The following PRDM16 variants were observed in gnomAD, a reference collection of about 807,000 sequenced individuals.
The protein encoded by PRDM16 is histone-lysine N-methyltransferase PRDM16.
Under a neutral mutation model 110.6 loss-of-function variants are expected in PRDM16, and 23 were observed. That is an observed-to-expected ratio of 0.21 (90% CI 0.15 to 0.29). The LOEUF (loss-of-function observed/expected upper bound fraction) is 0.29, where lower values mean the gene tolerates loss of function less well. PRDM16 is among the 10% of genes least tolerant of loss of function. PRDM16 has a pLI of 1.00. For missense variants in PRDM16, 1,615 were observed against 1,794.3 expected (o/e 0.90, Z 1.81); for synonymous variants, 799 against 781.8 (o/e 1.02, Z -0.37).
intron 6 of PRDM16, 115 bp from the exon 7 acceptor site, chr1:3,404,624 C>T (rs932700109): frequency 5.9e-5 from 76 of 1,297,592 alleles, no homozygotes; most frequent in Non-Finnish European, 8.0e-5. Flanking sequence ...TCTGATCCCT[C>T]GGCAGCGTGG....
At chr1:3,103,027 G>A (rs1642568371) in intron 1 of PRDM16, among the ~76,000 whole-genome samples, 2 of 152,164 alleles carry the variant, frequency 1.3e-5, no homozygotes, top group Non-Finnish European at 2.9e-5. Flanking sequence ...AGGAACTCAG[G>A]TTCCTCCCAG....
intron 1 of PRDM16, among the ~76,000 whole-genome samples, chr1:3,155,349 TG>T (rs1341856815): frequency 6.6e-6 from 1 of 152,220 alleles, no homozygotes; most frequent in African/African-American, 2.4e-5. Flanking sequence ...GGCTGCCGTG[TG>T]GCTTCGCCCG....
rs1428182999 is a variant in PRDM16, at chr1:3,353,947, T to C, written c.439-31205T>C. On this transcript the variant is annotated intron_variant, in intron 3 of 16. Transcript: ENST00000270722. The surrounding 1 kb of genome is among the most constrained non-coding windows in gnomAD (Gnocchi z 5.4). ...GGATGCAGGGCTGCCCACCCAACAC[T>C]GCTGAGCCCACACAGGCCCAAGAGA... 2.0e-5 allele frequency among the ~76,000 whole-genome samples: 3 copies of C among 152,018 alleles called. No individual in the cohort carries two copies. The highest frequency in any genetic ancestry group is 7.2e-5 in the African/African-American group (3 of 41,386).
At chr1:3,271,232 C>T (rs1197172714) in intron 3 of PRDM16, among the ~76,000 whole-genome samples, 1 of 152,176 alleles carries the variant, frequency 6.6e-6, no homozygotes, top group African/African-American at 2.4e-5. Context: ...GAGGAAGGAA[C>T]GAAGCATTTC....
At chr1:3,225,569 TGTGTGC>T (rs1465190949) in intron 2 of PRDM16, among the ~76,000 whole-genome samples, 3 of 121,740 alleles carry the variant, frequency 2.5e-5, no homozygotes, top group East Asian at 2.8e-4. Flanking sequence ...TGTGTGTGTG[TGTGTGC>T]GCGCGCGCAG....
intron 3 of PRDM16, among the ~76,000 whole-genome samples, chr1:3,362,739 G>T (rs567306069): frequency 6.6e-6 from 1 of 152,254 alleles, no homozygotes; most frequent in South Asian, 2.1e-4. Context: ...AAGCCGGCCG[G>T]GTCTCCTCAC....
intron 1 of PRDM16, among the ~76,000 whole-genome samples, chr1:3,139,240 TG>T: frequency 6.6e-6 from 1 of 152,174 alleles, no homozygotes; most frequent in Non-Finnish European, 1.5e-5. Flanking sequence ...TATGTGGAAC[TG>T]GGGGTGTTGG....
chr1:3,081,946 G>A lies in PRDM16; in HGVS notation c.37+12650G>A, dbSNP rs1376989584. 6.6e-6 allele frequency among the ~76,000 whole-genome samples: 1 copy of A among 152,238 alleles called. No homozygotes were observed. Among genetic ancestry groups the A allele is most frequent in the Non-Finnish European group, 1.5e-5 (1 of 68,050 alleles). ...CAGGATGGGCAGATGAAGCCACAGT[G>A]TGCCAAGGCAGCGGCAAAGCCCCCG... On this transcript the variant is annotated intron_variant, in intron 1 of 16. Transcript: ENST00000270722. The surrounding 1 kb of genome is among the most constrained non-coding windows in gnomAD (Gnocchi z 4.6).
At chr1:3,122,157 C>G (rs1643109841) in intron 1 of PRDM16, among the ~76,000 whole-genome samples, 1 of 152,204 alleles carries the variant, frequency 6.6e-6, no homozygotes, top group African/African-American at 2.4e-5. Context: ...CTGTGTGGCA[C>G]AGGACTGCCT....
chr1:3,374,443 G>A (rs776901269), intron 3 of PRDM16, among the ~76,000 whole-genome samples: 4 of 152,202 alleles, frequency 2.6e-5, no homozygotes, highest in Admixed American at 6.5e-5. Context: ...CTCCCAACAC[G>A]TATGGCAGAG....
chr1:3,277,058 C>T (rs1285295534), intron 3 of PRDM16, among the ~76,000 whole-genome samples: 1 of 152,134 alleles, frequency 6.6e-6, no homozygotes, highest in Non-Finnish European at 1.5e-5. Context: ...TCTTGCATTT[C>T]CCCCAGGACC....
intron 12 of PRDM16, among the ~76,000 whole-genome samples, chr1:3,423,928 G>A (rs1638512075): frequency 6.6e-6 from 1 of 152,392 alleles, no homozygotes; most frequent in Admixed American, 6.5e-5. Context: ...GTGCCTGTGG[G>A]ATCAGATGAG....
chr1:3,410,084 GAA>G (rs1643658155), intron 8 of PRDM16, among the ~76,000 whole-genome samples: 2 of 143,998 alleles, frequency 1.4e-5, no homozygotes, highest in Non-Finnish European at 3.1e-5. Context: ...GCATGTGTAT[GAA>G]TGTGTGTGGT....
intron 1 of PRDM16, among the ~76,000 whole-genome samples, chr1:3,072,728 C>A (rs766560930): frequency 2.0e-5 from 3 of 152,196 alleles, no homozygotes; most frequent in Non-Finnish European, 4.4e-5. Flanking sequence ...CTCTGAAGGC[C>A]GGTTAGGGCA....
In PRDM16 at chr1:3,201,752, G is replaced by T. The variant is rs12096975; in HGVS notation, c.387+15278G>T. Among the ~76,000 whole-genome samples, 1 of 152,140 alleles carries T rather than the reference G, an allele frequency of 6.6e-6. No homozygotes were observed. Among genetic ancestry groups the T allele is most frequent in the Non-Finnish European group, 1.5e-5 (1 of 68,012 alleles). On this transcript the variant is annotated intron_variant, in intron 2 of 16. Transcript: ENST00000270722. The surrounding 1 kb of genome is among the most constrained non-coding windows in gnomAD (Gnocchi z 4.1). Reference sequence around the variant, plus strand: ...TCTTCAGCTGGAGCCGAGTAGGGTCGTGTCTGCCCCGCTTCCACGCGAGCC... The same window carrying T: ...TCTTCAGCTGGAGCCGAGTAGGGTCTTGTCTGCCCCGCTTCCACGCGAGCC...
At chr1:3,279,660 G>T (rs1257520673) in intron 3 of PRDM16, among the ~76,000 whole-genome samples, 5 of 152,262 alleles carry the variant, frequency 3.3e-5, no homozygotes, top group Non-Finnish European at 5.9e-5. Flanking sequence ...AGCCGTCAGG[G>T]AGAGTCTGTG....
intron 3 of PRDM16, among the ~76,000 whole-genome samples, chr1:3,375,385 A>G (rs1642974021): frequency 6.6e-6 from 1 of 152,122 alleles, no homozygotes; most frequent in African/African-American, 2.4e-5. Flanking sequence ...TCAACCCTTC[A>G]TTTCACTAAA....
chr1:3,352,343 G>A (rs1187040725), intron 3 of PRDM16, among the ~76,000 whole-genome samples: 5 of 152,254 alleles, frequency 3.3e-5, no homozygotes, highest in East Asian at 1.9e-4. Context: ...TGGTCCTGGC[G>A]GCTGGCTGCA....
intron 3 of PRDM16, among the ~76,000 whole-genome samples, chr1:3,360,083 TGAATC>T (rs1482277734): frequency 6.9e-6 from 1 of 144,424 alleles, no homozygotes; most frequent in African/African-American, 2.9e-5. Context: ...CTCTGGTAAA[TGAATC>T]GAACACTTCT....
Sources: gnomAD v4.1 joint callset for allele counts (sites outside exome capture counted in the v4.1 genomes callset) on GRCh38, gnomAD v4.1.1 for gene constraint, Gnocchi (gnomAD v3.1) non-coding constraint, MANE v1.5 for transcripts, NCBI Gene and HGNC (gene_info 2026-07-23, HGNC 2026-07-21) for gene names.